The following TBC1D9 variants were observed in gnomAD, a reference collection of about 807,000 sequenced individuals.
TBC1D9 encodes TBC1 domain family member 9A.
TBC1D9 carries 63 observed loss-of-function variants against 132.0 expected under a neutral mutation model. That is an observed-to-expected ratio of 0.48 (90% CI 0.39 to 0.59). The LOEUF is 0.59. TBC1D9 is among the 20% of genes least tolerant of loss of function. TBC1D9 has a pLI of 0.00. For synonymous variants in TBC1D9, 610 were observed against 609.9 expected (o/e 1.00, Z 0.00); for missense variants, 1,261 against 1,592.7 (o/e 0.79, Z 3.54).
intron 17 of TBC1D9, among the ~76,000 whole-genome samples, chr4:140,628,086 TACC>T (rs932332786): frequency 3.3e-5 from 5 of 152,214 alleles, no homozygotes; most frequent in Admixed American, 3.3e-4. Context: ...TCTTTTCTGT[TACC>T]ACAACTCACT....
intron 1 of TBC1D9, among the ~76,000 whole-genome samples, chr4:140,743,780 T>C (rs954501574): frequency 5.3e-5 from 8 of 152,284 alleles, no homozygotes; most frequent in East Asian, 3.9e-4. Context: ...CTGGGAACCA[T>C]ATCACAATTC....
chr4:140,652,364 C>T (rs914814174), intron 13 of TBC1D9, among the ~76,000 whole-genome samples: 3 of 152,030 alleles, frequency 2.0e-5, no homozygotes, highest in African/African-American at 7.2e-5. Context: ...TCCTTCAGCT[C>T]TCCCCCTCCT....
At chr4:140,698,202 C>T (rs557980495) in intron 2 of TBC1D9, among the ~76,000 whole-genome samples, 52 of 152,272 alleles carry the variant, frequency 3.4e-4, no homozygotes, top group Non-Finnish European at 3.8e-4. Flanking sequence ...GGTGGGTAAA[C>T]GTGCAGAGAA....
intron 6 of TBC1D9, among the ~76,000 whole-genome samples, chr4:140,674,653 A>T (rs1278239230): frequency 1.3e-5 from 2 of 150,274 alleles, no homozygotes; most frequent in South Asian, 2.1e-4. Context: ...CCTATCTCTT[A>T]AAAAAAAATT....
chr4:140,659,342 A>G (rs1335309444), intron 11 of TBC1D9: 3 of 310,938 alleles, frequency 9.6e-6, no homozygotes, highest in Non-Finnish European at 5.9e-6. Context: ...AGTGACACAC[A>G]CACATGAAAT....
Position 140,649,549 on chromosome 4 carries a change from T to C in TBC1D9, c.2337+7548A>G, listed in dbSNP as rs77378451. Among the ~76,000 whole-genome samples, 286 of 152,214 alleles carry C rather than the reference T, an allele frequency of 1.9e-3. 9 individuals are homozygous for C. The East Asian group carries it at 0.043, about 23-fold the overall frequency. On this transcript the variant is annotated intron_variant, in intron 13 of 20. Transcript: ENST00000442267. The stretch of plus-strand genomic sequence containing the variant: ...TTGATGGAATGTGAGGCTTTAGGTA[T>C]AGAAAAGCCTAACATTACAGGAGGC...
intron 9 of TBC1D9, among the ~76,000 whole-genome samples, chr4:140,666,734 T>TAA (rs35117175): frequency 0.075 from 10,899 of 145,564 alleles, 1,321 homozygotes; most frequent in African/African-American, 0.25. Context: ...GTGAATATAC[T>TAA]AAAAAAAAAA....
At chr4:140,712,639 G>A (rs868120422) in intron 1 of TBC1D9, among the ~76,000 whole-genome samples, 3 of 151,084 alleles carry the variant, frequency 2.0e-5, no homozygotes. Context: ...CTACTCAGGA[G>A]GCTGAGGCAG....
intron 5 of TBC1D9, 115 bp from the exon 6 acceptor site, chr4:140,677,216 T>A (rs1395186905): frequency 5.9e-5 from 69 of 1,164,988 alleles, no homozygotes; most frequent in Non-Finnish European, 7.8e-5. Context: ...GCTAGACTCA[T>A]CCCCCGCTTC....
intron 1 of TBC1D9, among the ~76,000 whole-genome samples, chr4:140,751,181 A>C (rs553278036): frequency 6.6e-6 from 1 of 152,280 alleles, no homozygotes; most frequent in Non-Finnish European, 1.5e-5. Flanking sequence ...GTAACCCATG[A>C]ATCTAAAAGA....
chr4:140,688,960 C>G (rs1007291868), intron 2 of TBC1D9, among the ~76,000 whole-genome samples: 1 of 152,064 alleles, frequency 6.6e-6, no homozygotes, highest in African/African-American at 2.4e-5. Context: ...CTGTGACATG[C>G]GGCAGACACA....
chr4:140,717,045 T>G (rs1392033628), intron 1 of TBC1D9, among the ~76,000 whole-genome samples: 2 of 151,982 alleles, frequency 1.3e-5, no homozygotes, highest in African/African-American at 4.8e-5. Context: ...TCAAAATAAA[T>G]ATTTTGAAAC....
intron 13 of TBC1D9, among the ~76,000 whole-genome samples, chr4:140,655,519 G>A (rs2163322): frequency 0.32 from 48,552 of 152,026 alleles, 9,318 homozygotes; most frequent in East Asian, 0.46. Context: ...AGCATAGTGC[G>A]CTCAGCAGAA....
At chr4:140,723,887 C>T (rs975096879) in intron 1 of TBC1D9, among the ~76,000 whole-genome samples, 6 of 152,078 alleles carry the variant, frequency 3.9e-5, no homozygotes, top group Non-Finnish European at 8.8e-5. Flanking sequence ...GGACTACAGG[C>T]GTGAACCACC....
intron 1 of TBC1D9, among the ~76,000 whole-genome samples, chr4:140,733,441 T>C (rs1464014193): frequency 6.6e-6 from 1 of 152,208 alleles, no homozygotes; most frequent in Admixed American, 6.5e-5. Flanking sequence ...CTTCAGGTTT[T>C]TCCGGGACAA....
chr4:140,747,157 G>A (rs1008264741), intron 1 of TBC1D9, among the ~76,000 whole-genome samples: 8 of 152,034 alleles, frequency 5.3e-5, no homozygotes, highest in African/African-American at 1.7e-4. Context: ...AGACTGGCCT[G>A]GCCAACGTGG....
At chr4:140,658,494 C>A (rs1385313777) in intron 11 of TBC1D9, among the ~76,000 whole-genome samples, 4 of 151,998 alleles carry the variant, frequency 2.6e-5, no homozygotes, top group African/African-American at 9.7e-5. Flanking sequence ...GACTACAGTT[C>A]CAAATGTACA....
In TBC1D9 at chr4:140,657,199, G is replaced by A. The variant is rs766807848; in HGVS notation, c.2235C>T (p.Asp745=). The A allele has an allele frequency of 6.8e-6, 11 of 1,613,926 alleles. No individual in the cohort carries two copies. The East Asian group carries it at 2.0e-4, about 29-fold the overall frequency. ...GRYLDSVTNK[D]STLPPIPHLH... is the part of the protein sequence containing the mutation. ...GGTGAGGAATGGGAGGCAGTGTGCTGTCTTTATTGGTCACACTGTCTAAAT... is the reference window on the plus strand; with the variant it reads ...GGTGAGGAATGGGAGGCAGTGTGCTATCTTTATTGGTCACACTGTCTAAAT... The change falls in exon 13 of 21, where the codon GAC becomes GAT. Residue 745 remains aspartate, a synonymous_variant. Transcript: ENST00000442267.
At chr4:140,628,243 G>A (rs1257344797) in intron 17 of TBC1D9, 57 bp downstream of exon 17, 4 of 1,526,652 alleles carry the variant, frequency 2.6e-6, no homozygotes, top group Admixed American at 3.3e-5. Context: ...CTAAAACAGA[G>A]ACTTCAAGCC....
Sources: gnomAD v4.1 joint callset for allele counts (sites outside exome capture counted in the v4.1 genomes callset) on GRCh38, gnomAD v4.1.1 for gene constraint, MANE v1.5 for transcripts, NCBI Gene and HGNC (gene_info 2026-07-23, HGNC 2026-07-21) for gene names.